HTR1F: variants seen among roughly 807,000 people sequenced by gnomAD.
HTR1F encodes 5-hydroxytryptamine receptor 1F.
Under a neutral mutation model 24.0 loss-of-function variants are expected in HTR1F, and 17 were observed. The ratio of observed to expected loss-of-function variants is 0.71; its 90% CI spans 0.48 to 1.06. HTR1F has a LOEUF of 1.06. Ranked by LOEUF, HTR1F falls within the 50% of genes least tolerant of loss-of-function variation. The probability of loss-of-function intolerance (pLI) is 0.00; values close to 1 mark genes in which losing one functional copy is unlikely to be tolerated. For synonymous variants in HTR1F, 186 were observed against 156.8 expected, an observed-to-expected ratio of 1.19 and a Z score of -1.39; for missense variants, 391 against 427.8, an observed-to-expected ratio of 0.91 and a Z score of 0.76.
chr3:87,841,779 A>G (rs1483287883), intron 2 of HTR1F, among the ~76,000 whole-genome samples: 1 of 151,434 alleles, frequency 6.6e-6, no homozygotes, highest in Non-Finnish European at 1.5e-5. Context: ...GCGCTCCTGT[A>G]ATCCCAGCTA....
chr3:87,860,066 G>A (rs1705283741), intron 2 of HTR1F, among the ~76,000 whole-genome samples: 1 of 152,144 alleles, frequency 6.6e-6, no homozygotes, highest in Non-Finnish European at 1.5e-5. Flanking sequence ...ATACACCTTG[G>A]CATTGAAGGT....
intron 2 of HTR1F, among the ~76,000 whole-genome samples, chr3:87,961,217 T>C (rs1353264398): frequency 1.3e-5 from 2 of 151,936 alleles, no homozygotes; most frequent in African/African-American, 2.4e-5. Context: ...ACAATTATAG[T>C]AGTCCAAGTC....
At chr3:87,861,103 G>A (rs1369988782) in intron 2 of HTR1F, among the ~76,000 whole-genome samples, 2 of 152,176 alleles carry the variant, frequency 1.3e-5, no homozygotes, top group Non-Finnish European at 2.9e-5. Context: ...TTTGCTGTGA[G>A]CCAAGATCGC....
chr3:87,831,330 AATTATTATTATTATT>A (rs58022545), intron 2 of HTR1F, among the ~76,000 whole-genome samples: 11,512 of 142,320 alleles, frequency 0.081, 472 homozygotes, highest in Middle Eastern at 0.11. Flanking sequence ...GATATTAAGA[AATTATTATTATTATT>A]ATTATTATTA....
At position 87,864,902 on chromosome 3, in the gene HTR1F, AAAAAGAAAAG is replaced by A. The variant is rs370477093; in HGVS notation, c.-43+42799_-43+42808del. Among the ~76,000 whole-genome samples, 63 of 144,470 alleles carry A rather than the reference AAAAAGAAAAG, an allele frequency of 4.4e-4. No individual in the cohort carries two copies. In the South Asian group the frequency reaches 5.9e-3, roughly 14 times the overall value. The allele number at this position is 144,470 out of a possible 152,430, so 94.8% of individuals were successfully genotyped here. The stretch of plus-strand genomic sequence containing the variant: ...GCAAGACTTCATCTCAAAAAAAAAA[AAAAAGAAAAG>A]AAAAGAAAAGAAAAGAAAAGCAATA... On this transcript the variant is annotated intron_variant, in intron 2 of 2. Transcript: ENST00000319595.
At chr3:87,832,303 A>G (rs1704596112) in intron 2 of HTR1F, among the ~76,000 whole-genome samples, 1 of 151,296 alleles carries the variant, frequency 6.6e-6, no homozygotes, top group East Asian at 1.9e-4. Flanking sequence ...ACACACACAT[A>G]AGAATATCCC....
rs1212190805 is a variant in HTR1F, at chr3:87,820,465, C to G, written c.-159-1543C>G. Among the ~76,000 whole-genome samples, 3 of 151,864 alleles carry G rather than the reference C, an allele frequency of 2.0e-5. No homozygotes were observed. The East Asian group carries it at 5.8e-4, about 29-fold the overall frequency. On this transcript the variant is annotated intron_variant, in intron 1 of 2. Coordinates refer to ENST00000319595, the MANE Select transcript of HTR1F (RefSeq NM_001322209.2). ...TGCTGGGATTACAGGCGTGAGCCAC[C>G]GCGCCCGGCTCATGACCCATTTTAA...
chr3:87,939,772 G>T (rs764712716), intron 2 of HTR1F, among the ~76,000 whole-genome samples: 7 of 152,014 alleles, frequency 4.6e-5, no homozygotes. Flanking sequence ...TGATTAGTCT[G>T]CTAACAGTCT....
intron 2 of HTR1F, among the ~76,000 whole-genome samples, chr3:87,933,464 A>C (rs1161521122): frequency 2.0e-5 from 3 of 152,204 alleles, no homozygotes; most frequent in Admixed American, 6.5e-5. Flanking sequence ...CCCATTGTCT[A>C]AGCTCAAAAT....
chr3:87,811,876 TG>T (rs1704166373), intron 1 of HTR1F, among the ~76,000 whole-genome samples: 2 of 152,292 alleles, frequency 1.3e-5, no homozygotes, highest in East Asian at 3.9e-4. Flanking sequence ...GTTTGGATCA[TG>T]GGGGTAGTTT....
chr3:87,950,626 A>C (rs1344496389), intron 2 of HTR1F, among the ~76,000 whole-genome samples: 3 of 152,188 alleles, frequency 2.0e-5, no homozygotes, highest in Non-Finnish European at 4.4e-5. Flanking sequence ...GAGAATAAAA[A>C]GAATGATTAT....
intron 2 of HTR1F, among the ~76,000 whole-genome samples, chr3:87,859,221 T>TA (rs1468916175): frequency 6.6e-6 from 1 of 152,084 alleles, no homozygotes; most frequent in East Asian, 1.9e-4. Context: ...TAAAACAAAC[T>TA]AAAAAAGAGA....
chr3:87,926,667 C>T (rs1346269765), intron 2 of HTR1F, among the ~76,000 whole-genome samples: 1 of 151,968 alleles, frequency 6.6e-6, no homozygotes, highest in Non-Finnish European at 1.5e-5. Flanking sequence ...ACTGAAAGAT[C>T]GTTTTATACT....
intron 2 of HTR1F, among the ~76,000 whole-genome samples, chr3:87,863,713 A>C (rs1021338): frequency 6.6e-6 from 1 of 152,114 alleles, no homozygotes; most frequent in African/African-American, 2.4e-5. Flanking sequence ...CCCAATTCCA[A>C]GGCCACTTCT....
At chr3:87,941,014 G>A (rs991045241) in intron 2 of HTR1F, among the ~76,000 whole-genome samples, 1 of 152,164 alleles carries the variant, frequency 6.6e-6, no homozygotes, top group African/African-American at 2.4e-5. Context: ...ACTCAGGTAG[G>A]CCATGGGTTG....
intron 2 of HTR1F, among the ~76,000 whole-genome samples, chr3:87,901,349 A>G (rs1706316380): frequency 6.6e-6 from 1 of 152,136 alleles, no homozygotes; most frequent in South Asian, 2.1e-4. Context: ...AGAAGAGATT[A>G]GGACACCAAC....
intron 2 of HTR1F, among the ~76,000 whole-genome samples, chr3:87,947,914 A>C (rs1165326002): frequency 1.3e-5 from 2 of 152,140 alleles, no homozygotes; most frequent in Non-Finnish European, 2.9e-5. Flanking sequence ...AATTTGTCTT[A>C]ATAGTGCAAA....
chr3:87,891,813 C>A (rs1017504333), intron 2 of HTR1F, among the ~76,000 whole-genome samples: 1 of 152,144 alleles, frequency 6.6e-6, no homozygotes, highest in Non-Finnish European at 1.5e-5. Context: ...CATTCTTTAT[C>A]CCATTCATTC....
intron 2 of HTR1F, among the ~76,000 whole-genome samples, chr3:87,853,089 C>T (rs1705123968): frequency 6.6e-6 from 1 of 151,178 alleles, no homozygotes; most frequent in South Asian, 2.1e-4. Flanking sequence ...ACTCTATAGA[C>T]TCCCACTCCG....
Sources: gnomAD v4.1 joint callset for allele counts (sites outside exome capture counted in the v4.1 genomes callset) on GRCh38, gnomAD v4.1.1 for gene constraint, MANE v1.5 for transcripts, NCBI Gene and HGNC (gene_info 2026-07-23, HGNC 2026-07-21) for gene names.